Variants in LRCH1 observed in about 807,000 individuals in gnomAD.
LRCH1 encodes leucine rich repeats and calponin homology domain containing 1, also known as leucine-rich repeat and calponin homology domain-containing protein 1.
Under a neutral mutation model 94.9 loss-of-function variants are expected in LRCH1, and 23 were observed. The observed-to-expected ratio is 0.24, with a 90% CI of 0.17 to 0.34. The LOEUF (loss-of-function observed/expected upper bound fraction) is 0.34. Among genes scored for constraint, LRCH1 ranks in the 10% least tolerant of loss-of-function variants. The pLI is 1.00. For synonymous variants in LRCH1, 364 were observed against 354.9 expected (o/e 1.03, Z -0.29); for missense variants, 790 against 945.9 (o/e 0.84, Z 2.16).
chr13:46,704,394 G>A (rs1053758940), intron 11 of LRCH1, among the ~76,000 whole-genome samples: 3 of 151,910 alleles, frequency 2.0e-5, no homozygotes, highest in Non-Finnish European at 4.4e-5. Context: ...AATTTAGTTG[G>A]CTATTGCTGT....
chr13:46,692,935 C>A (rs1870977230), intron 8 of LRCH1, among the ~76,000 whole-genome samples: 1 of 150,606 alleles, frequency 6.6e-6, no homozygotes, highest in Non-Finnish European at 1.5e-5. Flanking sequence ...CATAGTAGAA[C>A]TAATCTCATT....
At chr13:46,556,521 C>G (rs1018694530) in intron 1 of LRCH1, among the ~76,000 whole-genome samples, 1 of 152,076 alleles carries the variant, frequency 6.6e-6, no homozygotes, top group Admixed American at 6.5e-5. Flanking sequence ...ACAGGTGTCA[C>G]TGATGGAAAG....
chr13:46,603,845 T>TG (rs2050658704), intron 1 of LRCH1, among the ~76,000 whole-genome samples: 1 of 152,162 alleles, frequency 6.6e-6, no homozygotes, highest in East Asian at 1.9e-4. Flanking sequence ...TTTGTAGAGA[T>TG]GGGGTCTCAC....
intron 1 of LRCH1, among the ~76,000 whole-genome samples, chr13:46,564,901 C>T (rs1245738533): frequency 6.6e-6 from 1 of 152,134 alleles, no homozygotes; most frequent in African/African-American, 2.4e-5. Flanking sequence ...CTGTCACTTT[C>T]TGTCCTTAAT....
At chr13:46,667,791 C>G (rs1223342898) in intron 2 of LRCH1, among the ~76,000 whole-genome samples, 1 of 152,112 alleles carries the variant, frequency 6.6e-6, no homozygotes, top group Non-Finnish European at 1.5e-5. Flanking sequence ...GATAAAAGCA[C>G]TTGTAGAAAG....
chr13:46,715,877 C>G (rs1044795911), intron 16 of LRCH1, among the ~76,000 whole-genome samples: 1 of 152,040 alleles, frequency 6.6e-6, no homozygotes, highest in Non-Finnish European at 1.5e-5. Flanking sequence ...CTTGACTATT[C>G]TGGATTTGGG....
At chr13:46,708,953 G>C (rs1871917582) in intron 13 of LRCH1, among the ~76,000 whole-genome samples, 1 of 152,210 alleles carries the variant, frequency 6.6e-6, no homozygotes, top group Non-Finnish European at 1.5e-5. Context: ...ATTCCTGGAA[G>C]GGAGGGAAGA....
At chr13:46,569,449 A>G (rs1373102394) in intron 1 of LRCH1, among the ~76,000 whole-genome samples, 2 of 152,204 alleles carry the variant, frequency 1.3e-5, no homozygotes, top group South Asian at 2.1e-4. Context: ...ATCTAAGTAC[A>G]TTGTTAATGT....
chr13:46,640,426 G>A (rs762625047), intron 1 of LRCH1, among the ~76,000 whole-genome samples: 3 of 152,192 alleles, frequency 2.0e-5, no homozygotes, highest in Non-Finnish European at 4.4e-5. Context: ...ATGCAGCTAA[G>A]TGGTGGGACC....
chr13:46,649,002 A>G (rs996437254), intron 1 of LRCH1, among the ~76,000 whole-genome samples: 11 of 152,176 alleles, frequency 7.2e-5, no homozygotes, highest in African/African-American at 2.2e-4. Context: ...GGACGATTTT[A>G]TGTTCTTTGC....
At chr13:46,570,527 T>C (rs2050230371) in intron 1 of LRCH1, among the ~76,000 whole-genome samples, 1 of 152,218 alleles carries the variant, frequency 6.6e-6, no homozygotes, top group Non-Finnish European at 1.5e-5. Flanking sequence ...CTAGAGATGC[T>C]CCACTGCGTG....
chr13:46,746,939 A>G (rs918472382), downstream of LRCH1, among the ~76,000 whole-genome samples: 1 of 152,074 alleles, frequency 6.6e-6, no homozygotes, highest in African/African-American at 2.4e-5. Flanking sequence ...TCAAGGTGTA[A>G]TTCCCACCAG....
rs186745522 is a variant in LRCH1 at position 46,672,649 on chromosome 13, G to C, written c.579+3493G>C. On this transcript the variant is annotated intron_variant, in intron 3 of 19. Coordinates refer to ENST00000389797, the MANE Select transcript of LRCH1 (RefSeq NM_001164211.2). Reference sequence around the variant, plus strand: ...GTCAGGACACACTGGCTGTCGGGTGGCTCTAAGGGACACCCCATGCTTTTC... The same window carrying C: ...GTCAGGACACACTGGCTGTCGGGTGCCTCTAAGGGACACCCCATGCTTTTC... Among the ~76,000 whole-genome samples the C allele has an allele frequency of 1.9e-3, 282 of 152,324 alleles. 6 individuals are homozygous for C. The East Asian group carries it at 0.037, about 20-fold the overall frequency.
At chr13:46,641,293 G>T (rs1188639091) in intron 1 of LRCH1, among the ~76,000 whole-genome samples, 2 of 152,164 alleles carry the variant, frequency 1.3e-5, no homozygotes, top group African/African-American at 4.8e-5. Flanking sequence ...GAGGGCACAT[G>T]ACCCTAGATC....
chr13:46,566,831 C>G (rs1275795531), intron 1 of LRCH1, among the ~76,000 whole-genome samples: 1 of 152,166 alleles, frequency 6.6e-6, no homozygotes, highest in Non-Finnish European at 1.5e-5. Context: ...GTGATTTCCC[C>G]CACTGATCTG....
intron 1 of LRCH1, among the ~76,000 whole-genome samples, chr13:46,633,366 A>G (rs1446177807): frequency 6.6e-6 from 1 of 152,242 alleles, no homozygotes; most frequent in African/African-American, 2.4e-5. Flanking sequence ...GTTCCTAAAA[A>G]GTGAGTGATA....
chr13:46,747,242 C>A (rs917332453), downstream of LRCH1, among the ~76,000 whole-genome samples: 3 of 152,192 alleles, frequency 2.0e-5, no homozygotes, highest in Admixed American at 2.0e-4. Flanking sequence ...CTTGAAAAAA[C>A]AAGGGCCTGG....
chr13:46,562,365 G>T (rs2050138854), intron 1 of LRCH1, among the ~76,000 whole-genome samples: 1 of 152,192 alleles, frequency 6.6e-6, no homozygotes, highest in African/African-American at 2.4e-5. Flanking sequence ...GGTGTCGGCA[G>T]GTTTGATTCT....
At chr13:46,750,087 A>G (rs1216419035) in intron 18 of LRCH1, among the ~76,000 whole-genome samples, 1 of 152,204 alleles carries the variant, frequency 6.6e-6, no homozygotes, top group African/African-American at 2.4e-5. Context: ...AGGTCACAGG[A>G]AGTAAAATGA....
Sources: allele counts gnomAD v4.1 joint callset (sites outside exome capture counted in the v4.1 genomes callset), GRCh38; gene constraint gnomAD v4.1.1; transcripts MANE v1.5; gene names NCBI Gene and HGNC (gene_info 2026-07-23, HGNC 2026-07-21).